The following JPH2 variants were observed in gnomAD, a reference collection of about 807,000 sequenced individuals.
JPH2 encodes the protein junctophilin-2.
Under a neutral mutation model 55.9 loss-of-function variants are expected in JPH2, and 38 were observed. The observed-to-expected ratio is 0.68, with a 90% confidence interval of 0.52 to 0.89. The LOEUF (loss-of-function observed/expected upper bound fraction) is 0.89. Among genes scored for constraint, JPH2 ranks in the 40% least tolerant of loss-of-function variants. JPH2 has a pLI of 0.00. For synonymous variants in JPH2, 480 were observed against 472.4 expected (o/e 1.02, Z -0.21); for missense variants, 964 against 1,037.6 (o/e 0.93, Z 0.97).
Position 44,176,961 on chromosome 20 carries a change from C to T in JPH2, c.379+9366G>A, listed in dbSNP as rs560110069. The T allele has an allele frequency of 1.0e-5, 10 of 985,474 alleles. No individual in the cohort carries two copies. In the South Asian group the frequency reaches 3.8e-4, roughly 37 times the overall value. 61.0% of individuals were successfully genotyped at this position (985,474 alleles called of 1,614,324 possible). On this transcript the variant is annotated intron_variant, in intron 1 of 5. Transcript: ENST00000372980. ...CTACCCCATCCACAGCAATGGGCAG[C>T]CAGCAGTGGCAGGAAGACCTCCAGG...
At chr20:44,148,636 C>A (rs1489078036) in intron 2 of JPH2, among the ~76,000 whole-genome samples, 1 of 152,200 alleles carries the variant, frequency 6.6e-6, no homozygotes. Context: ...CTGCCCTTCT[C>A]TGTGTGTGGG....
intron 1 of JPH2, chr20:44,177,657 A>G: frequency 3.3e-6 from 4 of 1,224,474 alleles, no homozygotes; most frequent in Non-Finnish European, 4.1e-6. Flanking sequence ...AATTATGCTG[A>G]TTCTACATTC....
At position 44,186,399 on chromosome 20, in the gene JPH2, C is replaced by A. The variant is rs530754608; in HGVS notation, c.307G>T (p.Gly103Cys). 1 of 1,613,782 alleles carries A rather than the reference C, an allele frequency of 6.2e-7. No individual in the cohort carries two copies. Among genetic ancestry groups the A allele is most frequent in the Non-Finnish European group, 8.5e-7 (1 of 1,179,934 alleles). ...RYGIRQSSSS[G>C]AKYEGTWNNG... The stretch of plus-strand genomic sequence containing the variant: ...TTCCAGGTGCCCTCATACTTGGCAC[C>A]GCTGCTTGAGCTCTGCCGGATTCCG... The change falls in exon 1 of 6, where the codon GGT (glycine) becomes TGT (cysteine). Residue 103 changes from glycine to cysteine, a missense_variant. Physicochemically the swap from Gly to Cys is radical, Grantham distance 159. Transcript: ENST00000372980.
In JPH2 at chr20:44,159,588, G is replaced by A. The variant is rs1281805439; in HGVS notation, c.1169+30C>T. The A allele has an allele frequency of 1.9e-6, 3 of 1,585,462 alleles. No homozygotes were observed. Among genetic ancestry groups the A allele is most frequent in the Non-Finnish European group, 2.6e-6 (3 of 1,172,620 alleles). ...AGGACCCCCTTCTCCGAGGGGAGGC[G>A]ACCCCTTCCCACCCCCACCGCTGTC... On this transcript the variant is annotated intron_variant, in intron 2 of 5. Coordinates refer to ENST00000372980, the MANE Select transcript of JPH2 (RefSeq NM_020433.5). The surrounding 1 kb of genome is among the most constrained non-coding windows in gnomAD (Gnocchi z 5.7).
At chr20:44,143,936 G>A (rs1255887288) in intron 2 of JPH2, among the ~76,000 whole-genome samples, 1 of 152,076 alleles carries the variant, frequency 6.6e-6, no homozygotes, top group Non-Finnish European at 1.5e-5. Flanking sequence ...AGGGGATGGA[G>A]ACAAAGAGGG....
At chr20:44,183,981 A>T (rs945146057) in intron 1 of JPH2, among the ~76,000 whole-genome samples, 1 of 151,136 alleles carries the variant, frequency 6.6e-6, no homozygotes, top group East Asian at 2.0e-4. Flanking sequence ...GCAAAATCCC[A>T]TTTCTACCAA....
At chr20:44,175,324 G>C (rs2072725709) in intron 1 of JPH2, among the ~76,000 whole-genome samples, 1 of 152,194 alleles carries the variant, frequency 6.6e-6, no homozygotes, top group Non-Finnish European at 1.5e-5. Context: ...TATGAATATA[G>C]GTGGGTCCAC....
chr20:44,145,281 T>C (rs2072485604), intron 2 of JPH2, among the ~76,000 whole-genome samples: 1 of 152,094 alleles, frequency 6.6e-6, no homozygotes, highest in Non-Finnish European at 1.5e-5. Flanking sequence ...TGCTGGCCTG[T>C]ATGTTCTCTG....
chr20:44,158,732 G>A (rs2072582564), intron 2 of JPH2, among the ~76,000 whole-genome samples: 1 of 152,124 alleles, frequency 6.6e-6, no homozygotes, highest in South Asian at 2.1e-4. Flanking sequence ...ATGAATAGAA[G>A]TTTGGTTGAG....
In JPH2 at chr20:44,163,075, A is replaced by G. The variant is rs191912333; in HGVS notation, c.380-2668T>C. Among the ~76,000 whole-genome samples, 287 of 152,102 alleles carry G rather than the reference A, an allele frequency of 1.9e-3. 3 individuals are homozygous for G. The highest frequency in any genetic ancestry group is 6.4e-3 in the African/African-American group (264 of 41,468). ...AGCACGTATCACCTTCTAACATACC[A>G]TATGACTTATTTATTACATTAATTG... On this transcript the variant is annotated intron_variant, in intron 1 of 5. Coordinates refer to ENST00000372980, the MANE Select transcript of JPH2 (RefSeq NM_020433.5).
rs1314510358 is a variant in JPH2 at position 44,108,839 on chromosome 20, C to T, written c.*4679G>A. 3.3e-5 allele frequency among the ~76,000 whole-genome samples: 5 copies of T among 152,026 alleles called. No individual in the cohort carries two copies. The highest frequency in any genetic ancestry group is 1.2e-4 in the African/African-American group (5 of 41,362). On this transcript the variant is annotated 3_prime_UTR_variant, in exon 6 of 6. Transcript: ENST00000372980. Reference sequence around the variant, plus strand: ...CTCTGTCACTGACTTGCTGTGTGATCCTTACAAATCACGACACTCTCTCCA... The same window carrying T: ...CTCTGTCACTGACTTGCTGTGTGATTCTTACAAATCACGACACTCTCTCCA...
chr20:44,132,153 TC>T (rs1297615513), intron 2 of JPH2, among the ~76,000 whole-genome samples: 3 of 152,180 alleles, frequency 2.0e-5, no homozygotes, highest in Non-Finnish European at 4.4e-5. Flanking sequence ...ATAAGATTGA[TC>T]TTTGTGTATG....
chr20:44,178,716 A>G (rs2072755263), intron 1 of JPH2, among the ~76,000 whole-genome samples: 1 of 152,280 alleles, frequency 6.6e-6, no homozygotes, highest in African/African-American at 2.4e-5. Flanking sequence ...CAGGAAGAGC[A>G]AAGTTGAAGA....
intron 1 of JPH2, among the ~76,000 whole-genome samples, chr20:44,179,532 A>T (rs2072763596): frequency 6.6e-6 from 1 of 152,140 alleles, no homozygotes; most frequent in African/African-American, 2.4e-5. Flanking sequence ...CACAGTTATT[A>T]CTATTGTCAA....
intron 2 of JPH2, among the ~76,000 whole-genome samples, chr20:44,151,472 A>G (rs1371493446): frequency 6.6e-6 from 1 of 152,152 alleles, no homozygotes; most frequent in Non-Finnish European, 1.5e-5. Flanking sequence ...AGCCGAGATC[A>G]TGCCATTGCA....
chr20:44,124,468 G>C (rs2072262030), intron 2 of JPH2, among the ~76,000 whole-genome samples: 1 of 152,068 alleles, frequency 6.6e-6, no homozygotes, highest in Non-Finnish European at 1.5e-5. Flanking sequence ...CCTACTATGT[G>C]CTAGGCACTT....
intron 2 of JPH2, among the ~76,000 whole-genome samples, chr20:44,140,976 C>T (rs1317792400): frequency 1.3e-5 from 2 of 152,094 alleles, no homozygotes; most frequent in African/African-American, 2.4e-5. Context: ...TGCTCTTGAC[C>T]GTGAATGATG....
At position 44,160,331 on chromosome 20, in the gene JPH2, G is replaced by C; in HGVS notation, c.456C>G (p.Ala152=). ...TGCGCAGCGGCGAGCGCACCACCAC[G>C]GCCATCCCGTAGGGCACGCTCTGGC... is the stretch of plus-strand genomic sequence containing the variant. ...GVRQSVPYGM[A]VVVRSPLRTS... The change falls in exon 2 of 6, where the codon GCC becomes GCG. Residue 152 remains alanine, a synonymous_variant. Coordinates refer to ENST00000372980, the MANE Select transcript of JPH2 (RefSeq NM_020433.5). The surrounding 1 kb of genome is among the most constrained non-coding windows in gnomAD (Gnocchi z 4.9). 6.3e-7 allele frequency: 1 copy of C among 1,575,024 alleles called. No individual in the cohort carries two copies. The highest frequency in any genetic ancestry group is 8.6e-7 in the Non-Finnish European group (1 of 1,161,052).
At chr20:44,150,868 T>C (rs188170819) in intron 2 of JPH2, among the ~76,000 whole-genome samples, 96 of 151,786 alleles carry the variant, frequency 6.3e-4, no homozygotes, top group Non-Finnish European at 1.0e-3. Context: ...TCTACAAATA[T>C]ATATTTTTTT....
Sources: allele counts gnomAD v4.1 joint callset (sites outside exome capture counted in the v4.1 genomes callset), GRCh38; gene constraint gnomAD v4.1.1; non-coding constraint Gnocchi (gnomAD v3.1); transcripts MANE v1.5; gene names NCBI Gene and HGNC (gene_info 2026-07-23, HGNC 2026-07-21).